UBE2E1: variants seen among roughly 807,000 people sequenced by gnomAD.
The protein encoded by UBE2E1 is ubiquitin conjugating enzyme E2 E1.
Under a neutral mutation model 21.4 loss-of-function variants are expected in UBE2E1, and 6 were observed. The observed-to-expected ratio is 0.28, with a 90% CI of 0.15 to 0.55. UBE2E1 has a LOEUF of 0.55. Among genes scored for constraint, UBE2E1 ranks in the 20% least tolerant of loss-of-function variants. UBE2E1 has a pLI of 0.93. For synonymous variants in UBE2E1, 87 were observed against 82.7 expected (o/e 1.05, Z -0.28); for missense variants, 142 against 236.5 (o/e 0.60, Z 2.62).
intron 3 of UBE2E1, among the ~76,000 whole-genome samples, chr3:23,886,041 A>T (rs552382093): frequency 6.6e-6 from 1 of 152,104 alleles, no homozygotes; most frequent in African/African-American, 2.4e-5. Flanking sequence ...ACACAAATTA[A>T]ATAGAAAACA....
At position 23,842,230 on chromosome 3, in the gene UBE2E1, T is replaced by TGTGTGTGTGTGTGG. The variant is rs1700104107; in HGVS notation, c.203+30733_203+30734insGGTGTGTGTGTGTG. On this transcript the variant is annotated intron_variant, in intron 3 of 5. Coordinates refer to ENST00000306627, the MANE Select transcript of UBE2E1 (RefSeq NM_003341.5). This position sits in a 1 kb window ranked among gnomAD's most constrained non-coding sequence, Gnocchi z 4.6. Reference sequence around the variant, plus strand: ...GTGTGTGTGTGTGTGTGTGTGTGTGTGTGTGTGTGTGTGTGTGTGGTGTTG... The same window carrying TGTGTGTGTGTGTGG: ...GTGTGTGTGTGTGTGTGTGTGTGTGTGTGTGTGTGTGTGGGTGTGTGTGTGTGTGTGTGGTGTTG... Among the ~76,000 whole-genome samples, 1 of 79,898 alleles carries TGTGTGTGTGTGTGG rather than the reference T, an allele frequency of 1.3e-5. No homozygotes were observed. Among genetic ancestry groups the TGTGTGTGTGTGTGG allele is most frequent in the African/African-American group, 5.1e-5 (1 of 19,510 alleles). The allele number at this position is 79,898 out of a possible 152,430, so 52.4% of individuals were successfully genotyped here. A position where few individuals can be genotyped will look rare whatever the true frequency, so the allele number is the denominator to read the frequency against.
chr3:23,854,562 A>G (rs1369696174), intron 3 of UBE2E1, among the ~76,000 whole-genome samples: 1 of 152,206 alleles, frequency 6.6e-6, no homozygotes, highest in Non-Finnish European at 1.5e-5. Flanking sequence ...CTTTTGGCCC[A>G]GGCTCTTTTG....
chr3:23,883,143 TC>T (rs1292531139), intron 3 of UBE2E1, among the ~76,000 whole-genome samples: 2 of 152,212 alleles, frequency 1.3e-5, no homozygotes, highest in Non-Finnish European at 1.5e-5. Context: ...TTCAGGATTT[TC>T]CATACTCTAA....
chr3:23,846,818 A>C (rs1700216194), intron 3 of UBE2E1, among the ~76,000 whole-genome samples: 1 of 152,112 alleles, frequency 6.6e-6, no homozygotes, highest in South Asian at 2.1e-4. Flanking sequence ...TGGGACATAG[A>C]GAAACAGTCT....
chr3:23,855,856 A>G (rs1414666462), intron 3 of UBE2E1, among the ~76,000 whole-genome samples: 1 of 152,102 alleles, frequency 6.6e-6, no homozygotes, highest in Non-Finnish European at 1.5e-5. Flanking sequence ...AAAATAAAAA[A>G]AAGAAGTAGT....
intron 3 of UBE2E1, among the ~76,000 whole-genome samples, chr3:23,814,914 C>T (rs1470766970): frequency 6.6e-6 from 1 of 152,172 alleles, no homozygotes; most frequent in Non-Finnish European, 1.5e-5. Flanking sequence ...AGATGGGGTG[C>T]TATTTTAGGA....
intron 3 of UBE2E1, among the ~76,000 whole-genome samples, chr3:23,878,353 T>C (rs887444476): frequency 4.6e-5 from 7 of 152,212 alleles, no homozygotes; most frequent in Non-Finnish European, 8.8e-5. Context: ...AAGGTAGCGA[T>C]AGTCATCATT....
At chr3:23,879,789 C>G (rs987825784) in intron 3 of UBE2E1, among the ~76,000 whole-genome samples, 1 of 152,240 alleles carries the variant, frequency 6.6e-6, no homozygotes, top group Non-Finnish European at 1.5e-5. Flanking sequence ...TCTTCCCAGC[C>G]TCTCATCCTT....
At chr3:23,814,698 A>C (rs776678994) in intron 3 of UBE2E1, among the ~76,000 whole-genome samples, 8 of 152,230 alleles carry the variant, frequency 5.3e-5, no homozygotes, top group Non-Finnish European at 1.2e-4. Context: ...CACCAGAGTC[A>C]GTTTTGCAGC....
chr3:23,879,404 C>T, intron 3 of UBE2E1: 1 of 511,278 alleles, frequency 2.0e-6, no homozygotes, highest in African/African-American at 2.0e-5. Context: ...AGTTGTCTTG[C>T]TAGCACAGTA....
In UBE2E1 at chr3:23,830,668, A is replaced by AT. The variant is rs1279896262; in HGVS notation, c.203+19160dup. 2.0e-5 allele frequency among the ~76,000 whole-genome samples: 3 copies of AT among 152,248 alleles called. No homozygotes were observed. In the South Asian group the frequency reaches 6.2e-4, roughly 32 times the overall value. On this transcript the variant is annotated intron_variant, in intron 3 of 5. Transcript: ENST00000306627. ...CTTCCTTACCTTATTACTCTTCTTG[A>AT]TTCACCTGGATGTGGAAACTGTCCC...
intron 2 of UBE2E1, 94 bp from the exon 3 acceptor site, chr3:23,811,366 G>A (rs117927025): frequency 3.4e-6 from 4 of 1,174,288 alleles, no homozygotes; most frequent in African/African-American, 3.0e-5. Flanking sequence ...CAGTGATCGC[G>A]CTTAGGTTTA....
At chr3:23,868,372 C>T (rs377440656) in intron 3 of UBE2E1, among the ~76,000 whole-genome samples, 16 of 152,006 alleles carry the variant, frequency 1.1e-4, no homozygotes, top group African/African-American at 3.4e-4. Context: ...TGCAGTGACA[C>T]GATCTCACTC....
intron 3 of UBE2E1, among the ~76,000 whole-genome samples, chr3:23,814,979 T>C (rs1699482377): frequency 6.6e-6 from 1 of 152,204 alleles, no homozygotes; most frequent in Non-Finnish European, 1.5e-5. Context: ...ATAATAAAAA[T>C]ACATTTCTTT....
At chr3:23,825,545 A>G (rs1699739782) in intron 3 of UBE2E1, among the ~76,000 whole-genome samples, 1 of 152,218 alleles carries the variant, frequency 6.6e-6, no homozygotes, top group South Asian at 2.1e-4. Flanking sequence ...AATTTCAGAA[A>G]ACAGTACCAA....
chr3:23,855,375 T>C (rs1437234825), intron 3 of UBE2E1, among the ~76,000 whole-genome samples: 1 of 152,214 alleles, frequency 6.6e-6, no homozygotes, highest in East Asian at 1.9e-4. Flanking sequence ...TTTTACTATG[T>C]TAATTTTAAC....
At chr3:23,882,655 A>G (rs1701077312) in intron 3 of UBE2E1, among the ~76,000 whole-genome samples, 1 of 152,208 alleles carries the variant, frequency 6.6e-6, no homozygotes, top group East Asian at 1.9e-4. Flanking sequence ...CGGGCCTGGC[A>G]GGCTGCACGT....
At chr3:23,834,363 C>A (rs1385028193) in intron 3 of UBE2E1, among the ~76,000 whole-genome samples, 3 of 152,202 alleles carry the variant, frequency 2.0e-5, no homozygotes, top group Non-Finnish European at 4.4e-5. Flanking sequence ...TGTTTGTCAC[C>A]ATTTAGGGTG....
At chr3:23,847,386 C>G (rs1700230458) in intron 3 of UBE2E1, among the ~76,000 whole-genome samples, 1 of 151,582 alleles carries the variant, frequency 6.6e-6, no homozygotes. Context: ...ATAACTATGA[C>G]TGAAATGAAG....
Sources: allele counts gnomAD v4.1 joint callset (sites outside exome capture counted in the v4.1 genomes callset), GRCh38; gene constraint gnomAD v4.1.1; non-coding constraint Gnocchi (gnomAD v3.1); transcripts MANE v1.5; gene names NCBI Gene and HGNC (gene_info 2026-07-23, HGNC 2026-07-21).